The following RASAL2 variants were observed in gnomAD, a reference collection of about 807,000 sequenced individuals.
RASAL2 encodes the protein RAS protein activator like 2.
Under a neutral mutation model 128.9 loss-of-function variants are expected in RASAL2, and 58 were observed. The observed-to-expected ratio is 0.45, with a 90% confidence interval of 0.36 to 0.56. The LOEUF (loss-of-function observed/expected upper bound fraction) is 0.56. Among genes scored for constraint, RASAL2 ranks in the 20% least tolerant of loss-of-function variants. RASAL2 has a pLI of 0.00. For synonymous variants in RASAL2, 561 were observed against 580.8 expected (o/e 0.97, Z 0.49); for missense variants, 1,360 against 1,601.6 (o/e 0.85, Z 2.57).
intron 2 of RASAL2, among the ~76,000 whole-genome samples, chr1:178,285,976 T>G (rs776052866): frequency 6.6e-6 from 1 of 152,230 alleles, no homozygotes; most frequent in Middle Eastern, 3.2e-3. Flanking sequence ...AATAATTTTC[T>G]AAAACAACAT....
chr1:178,464,194 A>T, intron 14 of RASAL2, 84 bp from the exon 15 acceptor site: 1 of 1,450,678 alleles, frequency 6.9e-7, no homozygotes, highest in Non-Finnish European at 9.2e-7. Flanking sequence ...GATCACAGTT[A>T]ATGTCTTCCA....
chr1:178,352,387 A>G (rs1442538974), intron 3 of RASAL2, among the ~76,000 whole-genome samples: 2 of 152,336 alleles, frequency 1.3e-5, no homozygotes, highest in South Asian at 2.1e-4. Flanking sequence ...TAAGGCTCCA[A>G]AATAATCTCC....
At chr1:178,229,688 T>C (rs1482801789) in intron 1 of RASAL2, among the ~76,000 whole-genome samples, 3 of 152,198 alleles carry the variant, frequency 2.0e-5, no homozygotes, top group Non-Finnish European at 4.4e-5. Flanking sequence ...TTCTCTTCAA[T>C]GTATTTACTC....
intron 1 of RASAL2, among the ~76,000 whole-genome samples, chr1:178,173,677 T>G (rs1661780742): frequency 6.6e-6 from 1 of 152,084 alleles, no homozygotes; most frequent in Non-Finnish European, 1.5e-5. Context: ...TGACTAAGAT[T>G]CGAGTAGCCT....
At chr1:178,262,712 G>A (rs1665755213) in intron 1 of RASAL2, among the ~76,000 whole-genome samples, 1 of 151,972 alleles carries the variant, frequency 6.6e-6, no homozygotes, top group South Asian at 2.1e-4. Flanking sequence ...TTTAGAGCTG[G>A]GAGTATTTGA....
intron 3 of RASAL2, among the ~76,000 whole-genome samples, chr1:178,351,062 T>TA (rs752319333): frequency 9.9e-5 from 15 of 152,148 alleles, no homozygotes; most frequent in Non-Finnish European, 1.5e-4. Flanking sequence ...GGGGAGATGC[T>TA]ACACACTTTT....
chr1:178,340,671 T>A (rs529395140), intron 3 of RASAL2, among the ~76,000 whole-genome samples: 1 of 152,308 alleles, frequency 6.6e-6, no homozygotes, highest in Non-Finnish European at 1.5e-5. Flanking sequence ...CAGATTTTTA[T>A]CTGTCAATAA....
At chr1:178,295,664 C>T (rs1667465638) in intron 2 of RASAL2, among the ~76,000 whole-genome samples, 1 of 152,112 alleles carries the variant, frequency 6.6e-6, no homozygotes. Context: ...AAGCTCTACC[C>T]TGAGTTTCTG....
At position 178,106,191 on chromosome 1, in the gene RASAL2, G is replaced by A. The variant is rs374033581; in HGVS notation, c.202+11497G>A. Among the ~76,000 whole-genome samples, 75 of 152,216 alleles carry A rather than the reference G, an allele frequency of 4.9e-4. 1 individual carries two copies. In the South Asian group the frequency reaches 0.015, roughly 30 times the overall value. On this transcript the variant is annotated intron_variant, in intron 1 of 17. Coordinates refer to ENST00000367649, the MANE Select transcript of RASAL2 (RefSeq NM_170692.4). ...AAATTTTTTTAATGTCATATTTTAT[G>A]TAATAATTTTCCAAAAAGGATAGCA...
chr1:178,458,934 G>A (rs1677980774), intron 14 of RASAL2, among the ~76,000 whole-genome samples: 1 of 152,124 alleles, frequency 6.6e-6, no homozygotes, highest in Non-Finnish European at 1.5e-5. Context: ...TAAGCTTCCA[G>A]AATAAAGGTT....
intron 3 of RASAL2, among the ~76,000 whole-genome samples, chr1:178,315,646 T>C (rs1467239848): frequency 2.8e-5 from 4 of 143,566 alleles, no homozygotes; most frequent in South Asian, 4.3e-4. Context: ...TGTTTGTTTT[T>C]TTCTTGTAAA....
chr1:178,388,632 T>C (rs556147325), intron 3 of RASAL2, among the ~76,000 whole-genome samples: 19 of 152,252 alleles, frequency 1.2e-4, no homozygotes, highest in South Asian at 1.0e-3. Context: ...AGAGAAGATA[T>C]GTTTAGTCAT....
At chr1:178,453,136 G>A (rs1299777809) in intron 11 of RASAL2, among the ~76,000 whole-genome samples, 1 of 151,900 alleles carries the variant, frequency 6.6e-6, no homozygotes, top group Non-Finnish European at 1.5e-5. Context: ...GATGGAGGGG[G>A]GCTGTTCTAG....
chr1:178,384,135 T>G (rs916388816), intron 3 of RASAL2, among the ~76,000 whole-genome samples: 4 of 152,208 alleles, frequency 2.6e-5, no homozygotes, highest in African/African-American at 9.6e-5. Context: ...CATTTATTCA[T>G]GTTTTATAAT....
intron 3 of RASAL2, among the ~76,000 whole-genome samples, chr1:178,322,513 A>G (rs1668841590): frequency 6.6e-6 from 1 of 152,142 alleles, no homozygotes. Context: ...ATCTTTGATT[A>G]GTTTCCCTTC....
chr1:178,384,961 A>C (rs1271002525), intron 3 of RASAL2, among the ~76,000 whole-genome samples: 3 of 152,208 alleles, frequency 2.0e-5, no homozygotes, highest in Admixed American at 2.0e-4. Context: ...AACAAAAAGT[A>C]AATGTAATTG....
chr1:178,267,991 G>A (rs1198612306), intron 1 of RASAL2, among the ~76,000 whole-genome samples: 1 of 151,202 alleles, frequency 6.6e-6, no homozygotes, highest in Non-Finnish European at 1.5e-5. Context: ...CTTTGTTCAA[G>A]CATATCCTCC....
At chr1:178,128,020 AT>A (rs1219865150) in intron 1 of RASAL2, among the ~76,000 whole-genome samples, 3 of 152,074 alleles carry the variant, frequency 2.0e-5, no homozygotes, top group Non-Finnish European at 2.9e-5. Flanking sequence ...AAGACATTTG[AT>A]TTTGTGGAAC....
chr1:178,312,644 G>A (rs543169118), intron 3 of RASAL2, among the ~76,000 whole-genome samples: 7 of 152,210 alleles, frequency 4.6e-5, no homozygotes, highest in Non-Finnish European at 7.4e-5. Context: ...TTAATAGCTC[G>A]GTACAAGATG....
Sources: gnomAD v4.1 joint callset for allele counts (sites outside exome capture counted in the v4.1 genomes callset) on GRCh38, gnomAD v4.1.1 for gene constraint, MANE v1.5 for transcripts, NCBI Gene and HGNC (gene_info 2026-07-23, HGNC 2026-07-21) for gene names.